The following ZDHHC23 variants were observed in gnomAD, a reference collection of about 807,000 sequenced individuals.
The protein encoded by ZDHHC23 is palmitoyltransferase ZDHHC23.
Under a neutral mutation model 40.2 loss-of-function variants are expected in ZDHHC23, and 41 were observed. The ratio of observed to expected loss-of-function variants is 1.02; its 90% CI spans 0.79 to 1.32. ZDHHC23 has a LOEUF of 1.32. Ranked by LOEUF, ZDHHC23 falls within the 40% of genes most tolerant of loss-of-function variation. The pLI is 0.00. For synonymous variants in ZDHHC23, 204 were observed against 210.2 expected (o/e 0.97, Z 0.26); for missense variants, 471 against 541.5 (o/e 0.87, Z 1.29).
chr3:113,966,268 T>C (rs1162218087), downstream of ZDHHC23, among the ~76,000 whole-genome samples: 1 of 152,218 alleles, frequency 6.6e-6, no homozygotes, highest in Non-Finnish European at 1.5e-5. Context: ...AAACATGGTA[T>C]GGAAGACTGT....
chr3:113,972,191 T>C, the ZDHHC23 span, among the ~76,000 whole-genome samples: 3 of 152,140 alleles, frequency 2.0e-5, no homozygotes, highest in African/African-American at 7.2e-5. Flanking sequence ...GTCTGTCAAC[T>C]TTTTTGATGT....
chr3:113,969,793 C>T (rs1239689879), downstream of ZDHHC23, among the ~76,000 whole-genome samples: 2 of 152,062 alleles, frequency 1.3e-5, no homozygotes, highest in East Asian at 3.8e-4. Flanking sequence ...ATACCTAGAG[C>T]TTTGTTCTTT....
the ZDHHC23 span, chr3:113,978,580 T>A: frequency 1.7e-6 from 1 of 582,022 alleles, no homozygotes; most frequent in East Asian, 2.9e-5. Context: ...TTGAGCACTG[T>A]GAGACAAGAA....
At chr3:113,971,580 C>T in the ZDHHC23 span, among the ~76,000 whole-genome samples, 32,534 of 152,012 alleles carry the variant, frequency 0.21, 4,191 homozygotes, top group Middle Eastern at 0.35. Flanking sequence ...TTTGGTTTGC[C>T]GGTATTTGGT....
chr3:113,952,208 CTT>C (rs59903365), intron 2 of ZDHHC23, among the ~76,000 whole-genome samples: 8,896 of 152,244 alleles, frequency 0.058, 316 homozygotes, highest in East Asian at 0.12. Context: ...ACCCTGAACA[CTT>C]TGCTTAGAGA....
chr3:113,971,547 G>A, the ZDHHC23 span, among the ~76,000 whole-genome samples: 1 of 152,170 alleles, frequency 6.6e-6, no homozygotes, highest in Non-Finnish European at 1.5e-5. Context: ...CATGGTGAAT[G>A]TTCTTTTCAA....
intron 2 of ZDHHC23, among the ~76,000 whole-genome samples, chr3:113,950,432 G>C (rs1008430333): frequency 6.6e-5 from 10 of 152,132 alleles, no homozygotes; most frequent in Non-Finnish European, 1.0e-4. Flanking sequence ...CCTTCTTGGT[G>C]TGTCATGACA....
At position 113,956,511 on chromosome 3, in the gene ZDHHC23, G is replaced by A; in HGVS notation, c.1040+5G>A. On this transcript the variant is annotated splice_donor_5th_base_variant and intron_variant, in intron 4 of 4. Coordinates refer to ENST00000638807, the MANE Select transcript of ZDHHC23 (RefSeq NM_001320466.2). ...TGGAGTTTATGCAAATTACAGGTGA[G>A]CAGTGGGTACCACAGTATGGAGGCC... is the stretch of plus-strand genomic sequence containing the variant. 6.2e-7 allele frequency: 1 copy of A among 1,612,026 alleles called. No homozygotes were observed. The highest frequency in any genetic ancestry group is 1.7e-5 in the Admixed American group (1 of 59,716).
At chr3:113,965,484 A>G (rs1240424113), downstream of ZDHHC23, 5 of 523,704 alleles carry the variant, frequency 9.5e-6, no homozygotes, top group African/African-American at 5.8e-5. Context: ...AGGTGTGGAA[A>G]TCACAATCGG....
the ZDHHC23 span, among the ~76,000 whole-genome samples, chr3:113,973,704 A>G: frequency 2.0e-5 from 3 of 151,246 alleles, no homozygotes; most frequent in Non-Finnish European, 4.4e-5. Context: ...TTGGAGCTTC[A>G]TTATATGTTA....
rs755177151 is a variant in ZDHHC23 at position 113,956,394 on chromosome 3, ATCT to A, written c.933_935del (p.Phe311del). 4.3e-6 allele frequency: 7 copies of A among 1,614,168 alleles called. No individual in the cohort carries two copies. The South Asian group carries it at 4.4e-5, about 10-fold the overall frequency. ...TCAAGCATTTATACTTGCCCTTTTGATCTTCTTGCTCACCTCGGTGTATGGGAT... is the reference window on the plus strand; with the variant it reads ...TCAAGCATTTATACTTGCCCTTTTGATCTTGCTCACCTCGGTGTATGGGAT... On this transcript the variant is annotated inframe_deletion, in exon 4 of 5. Transcript: ENST00000638807.
At chr3:113,978,860 G>T in the ZDHHC23 span, 17 of 1,613,712 alleles carry the variant, frequency 1.1e-5, 1 homozygote, top group South Asian at 1.9e-4. Flanking sequence ...GTCCTTACCT[G>T]TAGCCAGCTC....
Position 113,961,471 on chromosome 3 carries a change from T to C in ZDHHC23, c.*2841T>C, listed in dbSNP as rs532154765. The C allele has an allele frequency of 6.5e-6, 1 of 152,802 alleles. No homozygotes were observed. The highest frequency in any genetic ancestry group is 2.4e-5 in the African/African-American group (1 of 41,590). The allele number at this position is 152,802 out of a possible 1,614,324, so 9.5% of individuals were successfully genotyped here. A position where few individuals can be genotyped will look rare whatever the true frequency, so the allele number is the denominator to read the frequency against. On this transcript the variant is annotated 3_prime_UTR_variant, in exon 5 of 5. Transcript: ENST00000638807. Reference sequence around the variant, plus strand: ...TTACAATACCCACGGAGCACTTTTATGGTTCCAGCCGAGCGTTCCTGAAAT... The same window carrying C: ...TTACAATACCCACGGAGCACTTTTACGGTTCCAGCCGAGCGTTCCTGAAAT...
chr3:113,972,328 ATTGACCCATTGG>A, the ZDHHC23 span, among the ~76,000 whole-genome samples: 1 of 151,994 alleles, frequency 6.6e-6, no homozygotes, highest in Non-Finnish European at 1.5e-5. Context: ...TAATTTCTTC[ATTGACCCATTGG>A]TTGTTCAGGA....
At chr3:113,976,848 A>G in the ZDHHC23 span, among the ~76,000 whole-genome samples, 1 of 152,276 alleles carries the variant, frequency 6.6e-6, no homozygotes, top group Middle Eastern at 3.4e-3. Context: ...TTCAAACTCT[A>G]AAGCTAAATC....
chr3:113,979,003 T>G, the ZDHHC23 span: 1 of 1,613,452 alleles, frequency 6.2e-7, no homozygotes, highest in South Asian at 1.1e-5. Flanking sequence ...GTAATGTTCT[T>G]CTGCCACCTG....
chr3:113,956,757 CAG>C (rs1229240896), intron 4 of ZDHHC23, among the ~76,000 whole-genome samples: 1 of 151,618 alleles, frequency 6.6e-6, no homozygotes, highest in Non-Finnish European at 1.5e-5. Flanking sequence ...CAGGCCTAAT[CAG>C]GGACTTCCAG....
intron 3 of ZDHHC23, among the ~76,000 whole-genome samples, chr3:113,954,945 G>C (rs1266051048): frequency 1.3e-5 from 2 of 152,180 alleles, no homozygotes; most frequent in Non-Finnish European, 2.9e-5. Context: ...AGAGAAATGG[G>C]CTTTTGTACC....
chr3:113,958,270 A>G, intron 4 of ZDHHC23, 93 bp from the exon 5 acceptor site: 1 of 1,203,808 alleles, frequency 8.3e-7, no homozygotes, highest in Non-Finnish European at 1.2e-6. Flanking sequence ...AGTCTTTAGT[A>G]ATAAGTAAAA....
Sources: gnomAD v4.1 joint callset for allele counts (sites outside exome capture counted in the v4.1 genomes callset) on GRCh38, gnomAD v4.1.1 for gene constraint, MANE v1.5 for transcripts, NCBI Gene and HGNC (gene_info 2026-07-23, HGNC 2026-07-21) for gene names.